Variants in GPD2 observed in about 807,000 individuals in gnomAD.
GPD2 encodes the protein glycerol-3-phosphate dehydrogenase, mitochondrial.
Under a neutral mutation model 82.4 loss-of-function variants are expected in GPD2, and 54 were observed. That is an observed-to-expected ratio of 0.66 (90% CI 0.53 to 0.82). GPD2 has a LOEUF of 0.82. GPD2 is among the 40% of genes least tolerant of loss of function. The pLI is 0.00. For missense variants in GPD2, 748 were observed against 896.2 expected (o/e 0.83, Z 2.11); for synonymous variants, 288 against 306.1 (o/e 0.94, Z 0.62).
At chr2:156,445,879 A>G (rs298229) in intron 1 of GPD2, among the ~76,000 whole-genome samples, 136,940 of 152,166 alleles carry the variant, frequency 0.9, 63,040 homozygotes, top group South Asian at 1. Flanking sequence ...AGGCTCAACC[A>G]TCATAACTGA....
At chr2:156,458,223 G>C (rs994184931) in intron 1 of GPD2, among the ~76,000 whole-genome samples, 2 of 152,220 alleles carry the variant, frequency 1.3e-5, no homozygotes, top group Admixed American at 6.5e-5. Context: ...TCTCTTCTCT[G>C]TGCATCTGTG....
intron 6 of GPD2, among the ~76,000 whole-genome samples, chr2:156,528,451 A>G (rs1298135832): frequency 6.7e-6 from 1 of 149,304 alleles, no homozygotes; most frequent in Non-Finnish European, 1.5e-5. Context: ...TTTTATTATT[A>G]TTATACTTTA....
the GPD2 span, among the ~76,000 whole-genome samples, chr2:156,427,752 T>C: frequency 6.6e-6 from 1 of 152,214 alleles, no homozygotes; most frequent in Non-Finnish European, 1.5e-5. Flanking sequence ...TGAAAATTTA[T>C]TGGTTGACAG....
Position 156,557,379 on chromosome 2 carries a change from T to A in GPD2, c.972-10T>A, listed in dbSNP as rs374100828. On this transcript the variant is annotated splice_polypyrimidine_tract_variant and intron_variant, in intron 8 of 16. Coordinates refer to ENST00000438166, the MANE Select transcript of GPD2 (RefSeq NM_000408.5). Reference sequence around the variant, plus strand: ...TTTTCAGAAATAAATAATCCTTCTTTGTATCTCAGCCCAGAGAGCATGGGA... The same window carrying A: ...TTTTCAGAAATAAATAATCCTTCTTAGTATCTCAGCCCAGAGAGCATGGGA... 2.6e-6 allele frequency: 4 copies of A among 1,541,062 alleles called. No individual in the cohort carries two copies. The highest frequency in any genetic ancestry group is 3.6e-6 in the Non-Finnish European group (4 of 1,114,556).
At chr2:156,570,265 A>G (rs1283822385) in intron 12 of GPD2, 47 bp downstream of exon 12, 4 of 1,552,084 alleles carry the variant, frequency 2.6e-6, no homozygotes, top group Non-Finnish European at 3.6e-6. Context: ...ATGGGATACC[A>G]TTTATCTGTT....
intron 3 of GPD2, among the ~76,000 whole-genome samples, chr2:156,506,526 C>A (rs1370697053): frequency 6.6e-6 from 1 of 152,122 alleles, no homozygotes; most frequent in Non-Finnish European, 1.5e-5. Flanking sequence ...GAAATATCCT[C>A]CTGAGATGGC....
upstream of GPD2, chr2:156,435,515 C>G (rs1023698363): frequency 6.6e-6 from 1 of 152,170 alleles, no homozygotes; most frequent in African/African-American, 2.4e-5. Flanking sequence ...CCGCCTCCCC[C>G]CACCTGTATG....
intron 9 of GPD2, among the ~76,000 whole-genome samples, chr2:156,561,039 G>GTTTTTTTTTTTTT (rs1491213527): frequency 1.3e-3 from 26 of 19,500 alleles, no homozygotes; most frequent in Admixed American, 3.4e-3. Flanking sequence ...GTGACATTAA[G>GTTTTTTTTTTTTT]CTTTTTTTTT....
At chr2:156,424,378 G>T in the GPD2 span, among the ~76,000 whole-genome samples, 1 of 152,150 alleles carries the variant, frequency 6.6e-6, no homozygotes, top group Non-Finnish European at 1.5e-5. Flanking sequence ...ATAATGTTTA[G>T]TGTTCTAGGA....
intron 3 of GPD2, among the ~76,000 whole-genome samples, chr2:156,499,458 G>A (rs1401513891): frequency 1.3e-5 from 2 of 152,134 alleles, no homozygotes; most frequent in Non-Finnish European, 2.9e-5. Flanking sequence ...AAGTTACAAA[G>A]CCAGGCTTCC....
intron 2 of GPD2, among the ~76,000 whole-genome samples, chr2:156,483,987 C>CTTTTTTTTTTTTTTTTTTTTTT (rs10610989): frequency 2.2e-5 from 2 of 92,294 alleles, no homozygotes; most frequent in Non-Finnish European, 2.2e-5. Context: ...TGCTTGCTTG[C>CTTTTTTTTTTTTTTTTTTTTTT]TTTTTTTTTT....
At chr2:156,582,118 G>A (rs1688048013) in intron 16 of GPD2, among the ~76,000 whole-genome samples, 1 of 151,830 alleles carries the variant, frequency 6.6e-6, no homozygotes, top group African/African-American at 2.4e-5. Flanking sequence ...ACTTGAAAAG[G>A]AAAAAAATCC....
At chr2:156,477,292 C>T (rs1169312272) in intron 2 of GPD2, among the ~76,000 whole-genome samples, 5 of 151,962 alleles carry the variant, frequency 3.3e-5, no homozygotes, top group Non-Finnish European at 7.4e-5. Context: ...ATTAGCTGGG[C>T]GTGATGGTGT....
At chr2:156,401,230 T>G in the GPD2 span, among the ~76,000 whole-genome samples, 98 of 152,330 alleles carry the variant, frequency 6.4e-4, no homozygotes, top group East Asian at 2.3e-3. Context: ...ATAGCAAATG[T>G]GCTTTTCTAT....
intron 8 of GPD2, among the ~76,000 whole-genome samples, chr2:156,554,681 G>A (rs903555376): frequency 2.0e-5 from 3 of 152,106 alleles, no homozygotes; most frequent in East Asian, 1.9e-4. Flanking sequence ...AGAGTTATGG[G>A]TAGATGCTCT....
chr2:156,406,168 G>A, the GPD2 span, among the ~76,000 whole-genome samples: 1 of 151,970 alleles, frequency 6.6e-6, no homozygotes, highest in East Asian at 1.9e-4. Context: ...CCCTTTACTG[G>A]CTGGGAATTA....
chr2:156,487,277 A>G (rs1683981303), intron 2 of GPD2, among the ~76,000 whole-genome samples: 2 of 152,004 alleles, frequency 1.3e-5, no homozygotes, highest in Non-Finnish European at 2.9e-5. Context: ...ATGCCACTGC[A>G]CTCCAGCCTG....
At chr2:156,548,639 A>T (rs547477686) in intron 6 of GPD2, among the ~76,000 whole-genome samples, 2 of 152,204 alleles carry the variant, frequency 1.3e-5, no homozygotes, top group African/African-American at 4.8e-5. Flanking sequence ...TGCATAAACC[A>T]TTTATACTAA....
chr2:156,451,920 C>T (rs1331466726), intron 1 of GPD2, among the ~76,000 whole-genome samples: 3 of 128,314 alleles, frequency 2.3e-5, no homozygotes, highest in Non-Finnish European at 3.3e-5. Flanking sequence ...CAGACGGGGT[C>T]GCGGCCGGGC....
Sources: gnomAD v4.1 joint callset for allele counts (sites outside exome capture counted in the v4.1 genomes callset) on GRCh38, gnomAD v4.1.1 for gene constraint, MANE v1.5 for transcripts, NCBI Gene and HGNC (gene_info 2026-07-23, HGNC 2026-07-21) for gene names.